The following TAF2 variants were observed in gnomAD, a reference collection of about 807,000 sequenced individuals.
The protein encoded by TAF2 is TATA-box binding protein associated factor 2, also known as transcription initiation factor TFIID subunit 2.
In TAF2, 61 loss-of-function variants were observed where a neutral mutation model predicts 138.5. The ratio of observed to expected loss-of-function variants is 0.44; its 90% CI spans 0.36 to 0.54. The LOEUF is 0.54. Among genes scored for constraint, TAF2 ranks in the 20% least tolerant of loss-of-function variants. The pLI is 0.00. For synonymous variants in TAF2, 475 were observed against 469.9 expected, an observed-to-expected ratio of 1.01 and a Z score of -0.14; for missense variants, 1,090 against 1,427.9, an observed-to-expected ratio of 0.76 and a Z score of 3.81.
At chr8:119,733,172 G>A (rs1818996200) in intron 25 of TAF2, among the ~76,000 whole-genome samples, 1 of 152,114 alleles carries the variant, frequency 6.6e-6, no homozygotes, top group South Asian at 2.1e-4. Context: ...GCCATCTGGA[G>A]AACAACTGAT....
In TAF2 at chr8:119,765,484, G is replaced by C. The variant is rs116553064; in HGVS notation, c.2365-2876C>G. On this transcript the variant is annotated intron_variant, in intron 18 of 25. Transcript: ENST00000378164. ...GGAGACAACATTAACAAAAGTACAA[G>C]AGGCATGAAAATGAGTATGTTAAAG... Among the ~76,000 whole-genome samples, 375 of 152,212 alleles carry C rather than the reference G, an allele frequency of 2.5e-3. 3 individuals are homozygous for C. Among genetic ancestry groups the C allele is most frequent in the African/African-American group, 8.1e-3 (335 of 41,526 alleles).
intron 9 of TAF2, among the ~76,000 whole-genome samples, chr8:119,793,770 T>A (rs16893176): frequency 2.6e-5 from 4 of 151,998 alleles, no homozygotes; most frequent in Non-Finnish European, 5.9e-5. Flanking sequence ...TGTATTTTGC[T>A]TCAAAAAATT....
rs200339943 is a variant in TAF2 at position 119,789,679 on chromosome 8, C to T, written c.1481G>A (p.Ser494Asn). Reference protein sequence around the residue: ...SSQKFQSHMWSQMLVSTSGFL... With the variant: ...SSQKFQSHMWNQMLVSTSGFL... Reference sequence around the variant, plus strand: ...CCCAGATGTGGAAACCAACATCTGACTCCACATATGTGACTGGAACTTCTG... The same window carrying T: ...CCCAGATGTGGAAACCAACATCTGATTCCACATATGTGACTGGAACTTCTG... Residue 494 changes from serine to asparagine, a missense_variant, in exon 12 of 26, where the codon AGT becomes AAT. Transcript: ENST00000378164. 2.4e-5 allele frequency: 39 copies of T among 1,613,846 alleles called. No individual in the cohort carries two copies. In the African/African-American group the frequency reaches 4.9e-4, roughly 20 times the overall value.
intron 7 of TAF2, 92 bp downstream of exon 7, chr8:119,797,570 C>A: frequency 7.4e-7 from 1 of 1,355,808 alleles, no homozygotes; most frequent in East Asian, 2.4e-5. Context: ...GAAAAAAGTT[C>A]AAAGCTCGTC....
intron 25 of TAF2, among the ~76,000 whole-genome samples, chr8:119,736,767 G>C (rs958704776): frequency 6.6e-6 from 1 of 152,002 alleles, no homozygotes; most frequent in African/African-American, 2.4e-5. Flanking sequence ...AAAAAGAGTC[G>C]ACCAGACATT....
intron 6 of TAF2, among the ~76,000 whole-genome samples, chr8:119,799,729 T>G (rs895125941): frequency 1.3e-5 from 2 of 152,230 alleles, no homozygotes; most frequent in Non-Finnish European, 2.9e-5. Flanking sequence ...ATTGCCACAC[T>G]GTCTTCCACG....
At chr8:119,776,804 T>A (rs2131116286) in intron 18 of TAF2, among the ~76,000 whole-genome samples, 1 of 152,304 alleles carries the variant, frequency 6.6e-6, no homozygotes, top group South Asian at 2.1e-4. Flanking sequence ...TTTGGGAAAA[T>A]CCTACTCATC....
At position 119,779,661 on chromosome 8, in the gene TAF2, T is replaced by C. The variant is rs112674335; in HGVS notation, c.2253+1392A>G. Among the ~76,000 whole-genome samples, 438 of 152,326 alleles carry C rather than the reference T, an allele frequency of 2.9e-3. 2 individuals carry two copies. The highest frequency in any genetic ancestry group is 1.0e-2 in the African/African-American group (414 of 41,572). On this transcript the variant is annotated intron_variant, in intron 17 of 25. Coordinates refer to ENST00000378164, the MANE Select transcript of TAF2 (RefSeq NM_003184.4). Reference sequence around the variant, plus strand: ...CTGTCCTGATTAGATTTACTATAAATACATTCTGGCTTCCACTCTCAAAAG... The same window carrying C: ...CTGTCCTGATTAGATTTACTATAAACACATTCTGGCTTCCACTCTCAAAAG...
intron 2 of TAF2, among the ~76,000 whole-genome samples, chr8:119,828,882 C>T (rs889715519): frequency 6.6e-6 from 1 of 152,208 alleles, no homozygotes; most frequent in Admixed American, 6.5e-5. Context: ...GTCACACAGT[C>T]TCTGTCTCAG....
At chr8:119,814,737 C>A (rs867897947) in intron 3 of TAF2, among the ~76,000 whole-genome samples, 1,591 of 86,112 alleles carry the variant, frequency 0.018, no homozygotes, top group East Asian at 0.023. Flanking sequence ...ACCAAAAATA[C>A]AAAAAAAAAA....
intron 2 of TAF2, among the ~76,000 whole-genome samples, chr8:119,826,969 G>A (rs1471360334): frequency 6.6e-6 from 1 of 152,128 alleles, no homozygotes; most frequent in South Asian, 2.1e-4. Flanking sequence ...AAAGTAGGGT[G>A]GATCGCTTGA....
chr8:119,745,795 A>ATGTGTGTGTGTGTG (rs58444614), intron 23 of TAF2, among the ~76,000 whole-genome samples: 11 of 143,566 alleles, frequency 7.7e-5, no homozygotes, highest in South Asian at 2.3e-4. Context: ...AGGCAAACGA[A>ATGTGTGTGTGTGTG]TGTGTGTGTG....
At chr8:119,758,854 G>A (rs1820871249) in intron 20 of TAF2, among the ~76,000 whole-genome samples, 1 of 151,976 alleles carries the variant, frequency 6.6e-6, no homozygotes, top group Non-Finnish European at 1.5e-5. Context: ...ATTTAGACAT[G>A]GACAAAAGCG....
chr8:119,762,880 G>A, intron 18 of TAF2: 1 of 256,898 alleles, frequency 3.9e-6, no homozygotes, highest in South Asian at 6.0e-5. Context: ...TAATGTAGGA[G>A]TTCTAGCCAG....
At position 119,788,785 on chromosome 8, in the gene TAF2, C is replaced by T. The variant is rs1368539228; in HGVS notation, c.1683+5G>A. On this transcript the variant is annotated splice_donor_5th_base_variant and intron_variant, in intron 13 of 25. Coordinates refer to ENST00000378164, the MANE Select transcript of TAF2 (RefSeq NM_003184.4). Reference sequence around the variant, plus strand: ...GTACAAAGGCGATTTTGGAAAAAGACTTACCACGTATTTCTGAGTTCCAGG... The same window carrying T: ...GTACAAAGGCGATTTTGGAAAAAGATTTACCACGTATTTCTGAGTTCCAGG... The T allele has an allele frequency of 1.2e-6, 2 of 1,606,794 alleles. No homozygotes were observed. The highest frequency in any genetic ancestry group is 2.2e-5 in the East Asian group (1 of 44,782).
At chr8:119,760,432 CTT>C in intron 20 of TAF2, 165 bp downstream of exon 20, 1 of 773,434 alleles carries the variant, frequency 1.3e-6, no homozygotes, top group Non-Finnish European at 2.0e-6. Flanking sequence ...TTTATTAACT[CTT>C]ATGTGAATTC....
chr8:119,788,138 G>A (rs1477696116), intron 14 of TAF2, among the ~76,000 whole-genome samples, 200 bp downstream of exon 14: 2 of 152,080 alleles, frequency 1.3e-5, no homozygotes, highest in Non-Finnish European at 2.9e-5. Flanking sequence ...ACCTAATGTA[G>A]ATGACAGGTT....
Position 119,731,795 on chromosome 8 carries a change from A to G in TAF2, c.*129T>C. The G allele has an allele frequency of 1.1e-6, 1 of 902,736 alleles. No homozygotes were observed. The highest frequency in any genetic ancestry group is 1.4e-5 in the South Asian group (1 of 71,482). The allele number at this position is 902,736 out of a possible 1,614,324, so 55.9% of individuals were successfully genotyped here. A position where few individuals can be genotyped will look rare whatever the true frequency, so the allele number is the denominator to read the frequency against. On this transcript the variant is annotated 3_prime_UTR_variant, in exon 26 of 26. Transcript: ENST00000378164. ...CATAAATCAAATGCTTAGAACTTAA[A>G]TGAATTCAGAATTTCTGTAGGAGAG... is the stretch of plus-strand genomic sequence containing the variant.
intron 18 of TAF2, among the ~76,000 whole-genome samples, chr8:119,772,332 C>T (rs1821900419): frequency 6.6e-6 from 1 of 152,178 alleles, no homozygotes; most frequent in Non-Finnish European, 1.5e-5. Context: ...AGCCATTATC[C>T]TAAGTGAAAT....
Sources: gnomAD v4.1 joint callset for allele counts (sites outside exome capture counted in the v4.1 genomes callset) on GRCh38, gnomAD v4.1.1 for gene constraint, MANE v1.5 for transcripts, NCBI Gene and HGNC (gene_info 2026-07-23, HGNC 2026-07-21) for gene names.